The following C9orf50 variants were observed in gnomAD, a reference collection of about 807,000 sequenced individuals.
C9orf50 encodes uncharacterized protein C9orf50.
In C9orf50, 33 loss-of-function variants were observed where a neutral mutation model predicts 42.5. The observed-to-expected ratio is 0.78, with a 90% CI of 0.59 to 1.04. The LOEUF is 1.04. Ranked by LOEUF, C9orf50 falls within the 50% of genes least tolerant of loss-of-function variation. C9orf50 has a pLI of 0.00. For synonymous variants in C9orf50, 257 were observed against 273.4 expected, an observed-to-expected ratio of 0.94 and a Z score of 0.59; for missense variants, 547 against 594.3, an observed-to-expected ratio of 0.92 and a Z score of 0.83.
At position 129,620,195 on chromosome 9, in the gene C9orf50, G is replaced by A. The variant is rs1050064180; in HGVS notation, c.380C>T (p.Pro127Leu). ...GTCCTCCCTGGCCACGCGCCTCCGG[G>A]GGCGCTCGCGCTCTCCAGGCCCTGG... The change falls in exon 1 of 7, where the codon CCC becomes CTC. Residue 127 changes from proline to leucine, a missense_variant. By Grantham distance (98) the Pro-to-Leu change is moderately conservative. Transcript: ENST00000372478. This position sits in a 1 kb window ranked among gnomAD's most constrained non-coding sequence, Gnocchi z 5.8. 7 of 1,450,118 alleles carry A rather than the reference G, an allele frequency of 4.8e-6. No individual in the cohort carries two copies. The highest frequency in any genetic ancestry group is 2.8e-5 in the Admixed American group (1 of 35,550). The allele number at this position is 1,450,118 out of a possible 1,614,324, so 89.8% of individuals were successfully genotyped here. A position where few individuals can be genotyped will look rare whatever the true frequency, so the allele number is the denominator to read the frequency against.
At chr9:129,618,785 C>T (rs543850114) in intron 3 of C9orf50, among the ~76,000 whole-genome samples, 12 of 152,138 alleles carry the variant, frequency 7.9e-5, no homozygotes, top group East Asian at 7.7e-4. Context: ...CTCCGCCTCC[C>T]GGGTTCACAC....
upstream of C9orf50, chr9:129,620,872 G>A (rs1355051121): frequency 6.1e-6 from 2 of 326,286 alleles, no homozygotes; most frequent in Non-Finnish European, 1.1e-5. The surrounding 1 kb of genome is among the most constrained non-coding windows in gnomAD (Gnocchi z 5.8). Context: ...TACAGTGCCA[G>A]GCACGCTGGC....
At position 129,614,612 on chromosome 9, in the gene C9orf50, C is replaced by G. The variant is rs1364142551; in HGVS notation, c.880+872G>C. On this transcript the variant is annotated intron_variant, in intron 4 of 6. Transcript: ENST00000372478. This position sits in a 1 kb window ranked among gnomAD's most constrained non-coding sequence, Gnocchi z 4.4. The stretch of plus-strand genomic sequence containing the variant: ...TTCTCGAGACACACTTCAGAAAATT[C>G]ACTGGGAATGGCCAGGCGCGGTGGC... Among the ~76,000 whole-genome samples, 1 of 152,128 alleles carries G rather than the reference C, an allele frequency of 6.6e-6. No homozygotes were observed. Among genetic ancestry groups the G allele is most frequent in the Non-Finnish European group, 1.5e-5 (1 of 68,016 alleles).
At position 129,613,250 on chromosome 9, in the gene C9orf50, A is replaced by C; in HGVS notation, c.1045T>G (p.Ser349Ala). ...AGGTAGCCCTGTGTCTTCTGGGTGG[A>C]CCTGGGGGAGACAGGACCCCATGAG... The change falls in exon 6 of 7, where the codon TCC (serine) becomes GCC (alanine). Residue 349 changes from serine (S) to alanine (A), a missense_variant and splice_region_variant. Transcript: ENST00000372478. The surrounding 1 kb of genome is among the most constrained non-coding windows in gnomAD (Gnocchi z 6.2). 3 of 1,602,750 alleles carry C rather than the reference A, an allele frequency of 1.9e-6. No homozygotes were observed. Among genetic ancestry groups the C allele is most frequent in the Non-Finnish European group, 2.6e-6 (3 of 1,173,276 alleles).
chr9:129,613,840 C>T lies in C9orf50; in HGVS notation c.881-243G>A, dbSNP rs1219808649. ...CCCCCACTCACGCTGCAGCCGGAAG[C>T]GTGCCCCCTTTCTCGCAGTGGGGAG... On this transcript the variant is annotated intron_variant, in intron 4 of 6. Coordinates refer to ENST00000372478, the Ensembl canonical transcript of C9orf50. This position sits in a 1 kb window ranked among gnomAD's most constrained non-coding sequence, Gnocchi z 6.2. Among the ~76,000 whole-genome samples the T allele has an allele frequency of 6.6e-6, 1 of 152,232 alleles. No homozygotes were observed. The highest frequency in any genetic ancestry group is 2.4e-5 in the African/African-American group (1 of 41,458).
At chr9:129,612,234 G>T in exon 7 of C9orf50, 2 of 825,016 alleles carry the variant, frequency 2.4e-6, no homozygotes, top group Non-Finnish European at 3.9e-6. Context: ...CTTGTGGTGT[G>T]ACACCTACTG....
chr9:129,619,446 C>T (rs567637381), intron 3 of C9orf50, 74 bp downstream of exon 3: 98 of 1,070,548 alleles, frequency 9.2e-5, no homozygotes, highest in Non-Finnish European at 1.3e-4. Context: ...CATTCATGGG[C>T]GAAAGAGGAA....
In C9orf50 at chr9:129,613,348, T is replaced by C. The variant is rs1830179417; in HGVS notation, c.1043+87A>G. On this transcript the variant is annotated intron_variant, in intron 5 of 6. Coordinates refer to ENST00000372478, the Ensembl canonical transcript of C9orf50. This position sits in a 1 kb window ranked among gnomAD's most constrained non-coding sequence, Gnocchi z 6.2. The stretch of plus-strand genomic sequence containing the variant: ...TGAGGACCCACACTGGCAACCCGCC[T>C]GCTGCTGGGTGGGGAGGTCTGTAGG... 6.4e-7 allele frequency: 1 copy of C among 1,571,136 alleles called. No homozygotes were observed. The highest frequency in any genetic ancestry group is 1.2e-5 in the South Asian group (1 of 85,508).
chr9:129,618,566 T>C (rs915697900), intron 3 of C9orf50, among the ~76,000 whole-genome samples: 1 of 152,212 alleles, frequency 6.6e-6, no homozygotes, highest in Non-Finnish European at 1.5e-5. Context: ...GCTTTATGAC[T>C]AGATTAGCGA....
upstream of C9orf50, among the ~76,000 whole-genome samples, chr9:129,621,163 A>G (rs370828648): frequency 1.3e-4 from 20 of 152,286 alleles, no homozygotes; most frequent in East Asian, 3.5e-3. Flanking sequence ...TTAGCGCTCT[A>G]CTGGGAATTA....
rs1187464454 is a variant in C9orf50 at position 129,620,095 on chromosome 9, C to T, written c.480G>A (p.Glu160=). ...GTGGCTCCGGCTCCTCGGCGCACTT[C>T]TCCTGGAGCTGGTGCAGGAACTCAC... The change falls in exon 1 of 7, where the codon GAG becomes GAA. Residue 160 remains glutamate (E), a synonymous_variant. Coordinates refer to ENST00000372478, the Ensembl canonical transcript of C9orf50. The surrounding 1 kb of genome is among the most constrained non-coding windows in gnomAD (Gnocchi z 5.8). 2 of 1,451,942 alleles carry T rather than the reference C, an allele frequency of 1.4e-6. No individual in the cohort carries two copies. The highest frequency in any genetic ancestry group is 9.1e-7 in the Non-Finnish European group (1 of 1,099,858). The allele number at this position is 1,451,942 out of a possible 1,614,324, so 89.9% of individuals were successfully genotyped here.
rs558165359 is a variant in C9orf50 at position 129,620,668 on chromosome 9, A to G, written c.-94T>C. The G allele has an allele frequency of 5.9e-5, 69 of 1,162,352 alleles. No homozygotes were observed. The African/African-American group carries it at 9.4e-4, about 16-fold the overall frequency. 72.0% of individuals were successfully genotyped at this position (1,162,352 alleles called of 1,614,324 possible). ...AGGGCATAGTCCAGCCCCAGGCCAT[A>G]GTGCCCCGGGCGGGGCAGCGCGGTG... is the stretch of plus-strand genomic sequence containing the variant. On this transcript the variant is annotated 5_prime_UTR_variant, in exon 1 of 7. Transcript: ENST00000372478. The surrounding 1 kb of genome is among the most constrained non-coding windows in gnomAD (Gnocchi z 5.8).
intron 4 of C9orf50, among the ~76,000 whole-genome samples, chr9:129,615,038 C>T (rs571165607): frequency 2.0e-5 from 3 of 152,350 alleles, no homozygotes; most frequent in Non-Finnish European, 4.4e-5. Context: ...GTTTCCGCTT[C>T]GCGGCTTTTC....
chr9:129,616,816 C>T (rs532773497), intron 3 of C9orf50, among the ~76,000 whole-genome samples: 6 of 152,164 alleles, frequency 3.9e-5, no homozygotes, highest in African/African-American at 4.8e-5. Context: ...TGGTGGCTCA[C>T]GCCTGTAATC....
chr9:129,615,031 T>C (rs1021047867), intron 4 of C9orf50, among the ~76,000 whole-genome samples: 13 of 152,244 alleles, frequency 8.5e-5, no homozygotes, highest in African/African-American at 3.1e-4. Flanking sequence ...AGAGAAAGTT[T>C]CCGCTTCGCG....
Position 129,620,396 on chromosome 9 carries a change from G to T in C9orf50, c.179C>A (p.Ala60Glu). 1 of 1,230,120 alleles carries T rather than the reference G, an allele frequency of 8.1e-7. No homozygotes were observed. Among genetic ancestry groups the T allele is most frequent in the Non-Finnish European group, 1.0e-6 (1 of 987,420 alleles). The allele number at this position is 1,230,120 out of a possible 1,614,324, so 76.2% of individuals were successfully genotyped here. The change falls in exon 1 of 7, where the codon GCG becomes GAG. Residue 60 changes from alanine (A) to glutamate (E), a missense_variant. Around this residue, in one of 3 missense-constraint regions of C9orf50, gnomAD observed 105 missense variants for 98.5 expected, o/e 1.07. Coordinates refer to ENST00000372478, the Ensembl canonical transcript of C9orf50. The surrounding 1 kb of genome is among the most constrained non-coding windows in gnomAD (Gnocchi z 5.8). ...CTTGGCGTCCCCTTCCGGCCACCAC[G>T]CGGCGCCGCCCCCCGGGATCCTCCA...
intron 3 of C9orf50, among the ~76,000 whole-genome samples, chr9:129,617,428 G>A (rs942533172): frequency 1.2e-4 from 19 of 152,296 alleles, no homozygotes; most frequent in African/African-American, 4.1e-4. Context: ...ATCTTCACTC[G>A]AGGGCCACTG....
At chr9:129,616,802 G>A (rs183456828) in intron 3 of C9orf50, among the ~76,000 whole-genome samples, 30 of 152,176 alleles carry the variant, frequency 2.0e-4, no homozygotes, top group African/African-American at 3.9e-4. Context: ...GCCTCAACCC[G>A]GTGTGGTGGC....
At position 129,614,415 on chromosome 9, in the gene C9orf50, G is replaced by A. The variant is rs1169022181; in HGVS notation, c.881-818C>T. Among the ~76,000 whole-genome samples the A allele has an allele frequency of 1.3e-5, 2 of 152,208 alleles. No individual in the cohort carries two copies. The highest frequency in any genetic ancestry group is 2.9e-5 in the Non-Finnish European group (2 of 68,036). On this transcript the variant is annotated intron_variant, in intron 4 of 6. Coordinates refer to ENST00000372478, the Ensembl canonical transcript of C9orf50. This position sits in a 1 kb window ranked among gnomAD's most constrained non-coding sequence, Gnocchi z 4.4. ...AGGGCATCGCCCACAGCTAGACCTT[G>A]AGGCAGACATTTCCTGAAACTGCAC...
Sources: gnomAD v4.1 joint callset for allele counts (sites outside exome capture counted in the v4.1 genomes callset) on GRCh38, gnomAD v4.1.1 for gene constraint, gnomAD v4.1.1 regional missense constraint, Gnocchi (gnomAD v3.1) non-coding constraint, MANE v1.5 for transcripts, NCBI Gene and HGNC (gene_info 2026-07-23, HGNC 2026-07-21) for gene names.